CD83: variants seen among roughly 807,000 people sequenced by gnomAD.
CD83 encodes the protein CD83 molecule, also known as CD83 antigen.
Under a neutral mutation model 24.6 loss-of-function variants are expected in CD83, and 22 were observed. That is an observed-to-expected ratio of 0.90 (90% confidence interval 0.64 to 1.28). The LOEUF (loss-of-function observed/expected upper bound fraction) is 1.28, where lower values mean the gene tolerates loss of function less well. Among genes scored for constraint, CD83 ranks in the 50% most tolerant of loss-of-function variants. The pLI is 0.00. For synonymous variants in CD83, 101 were observed against 103.5 expected (o/e 0.98, Z 0.14); for missense variants, 253 against 252.8 (o/e 1.00, Z -0.01).
chr6:14,132,109 C>A (rs1757925897), intron 3 of CD83, among the ~76,000 whole-genome samples: 1 of 152,212 alleles, frequency 6.6e-6, no homozygotes, highest in Admixed American at 6.5e-5. Flanking sequence ...TTTAAGGGGG[C>A]AGTGTGTGCT....
chr6:14,125,553 A>G (rs1357687585), intron 2 of CD83, among the ~76,000 whole-genome samples: 2 of 152,192 alleles, frequency 1.3e-5, no homozygotes, highest in African/African-American at 4.8e-5. Flanking sequence ...TCACGTGCCT[A>G]TCAGAGCCAG....
intron 2 of CD83, among the ~76,000 whole-genome samples, chr6:14,124,120 T>G (rs1348095128): frequency 6.6e-6 from 1 of 152,240 alleles, no homozygotes; most frequent in Non-Finnish European, 1.5e-5. Context: ...TTTTTCATTT[T>G]GTTTTGTTTT....
chr6:14,119,937 C>A (rs1012882680), intron 2 of CD83, among the ~76,000 whole-genome samples: 1 of 152,204 alleles, frequency 6.6e-6, no homozygotes, highest in African/African-American at 2.4e-5. Context: ...TAGCAATTAA[C>A]CTTGGACTTC....
At chr6:14,118,999 T>C (rs1424386452) in intron 2 of CD83, among the ~76,000 whole-genome samples, 1 of 152,218 alleles carries the variant, frequency 6.6e-6, no homozygotes, top group African/African-American at 2.4e-5. Flanking sequence ...ATGCAGGGCG[T>C]TCTTCTGCCC....
At chr6:14,132,835 T>C (rs1441335528) in intron 3 of CD83, among the ~76,000 whole-genome samples, 1 of 152,184 alleles carries the variant, frequency 6.6e-6, no homozygotes, top group African/African-American at 2.4e-5. Context: ...TCACTTGCAC[T>C]CCACCTGCTC....
intron 2 of CD83, among the ~76,000 whole-genome samples, chr6:14,127,108 C>T (rs1453102872): frequency 6.6e-6 from 1 of 152,082 alleles, no homozygotes. Flanking sequence ...CCTGCCTCAG[C>T]CTCCCAAGTA....
At chr6:14,122,919 T>C (rs1476814521) in intron 2 of CD83, among the ~76,000 whole-genome samples, 1 of 152,166 alleles carries the variant, frequency 6.6e-6, no homozygotes, top group Non-Finnish European at 1.5e-5. Context: ...TTGGGAACCA[T>C]TGAGGTAACC....
intron 2 of CD83, 123 bp from the exon 3 acceptor site, chr6:14,131,397 G>C: frequency 1.4e-6 from 1 of 693,990 alleles, no homozygotes; most frequent in Non-Finnish European, 2.5e-6. Context: ...ACACACAAAA[G>C]CATCACGTCT....
At chr6:14,127,103 C>T (rs1287236014) in intron 2 of CD83, among the ~76,000 whole-genome samples, 2 of 152,090 alleles carry the variant, frequency 1.3e-5, no homozygotes, top group Admixed American at 1.3e-4. Context: ...ATTCTCCTGC[C>T]TCAGCCTCCC....
At chr6:14,131,956 G>A (rs1033789313) in intron 3 of CD83, among the ~76,000 whole-genome samples, 2 of 152,158 alleles carry the variant, frequency 1.3e-5, no homozygotes, top group Admixed American at 6.5e-5. Context: ...CCCAACACTT[G>A]TTAGGGGCTG....
chr6:14,130,382 A>G (rs965458746), intron 2 of CD83, among the ~76,000 whole-genome samples: 6 of 152,250 alleles, frequency 3.9e-5, no homozygotes, highest in African/African-American at 1.4e-4. Flanking sequence ...AGCCTAATCT[A>G]TGCAGTGGGA....
chr6:14,118,068 A>G lies in CD83; in HGVS notation c.153+3A>G, dbSNP rs767080229. On this transcript the variant is annotated splice_donor_region_variant and intron_variant, in intron 2 of 4. Coordinates refer to ENST00000379153, the MANE Select transcript of CD83 (RefSeq NM_004233.4). ...CCTACACGGTCTCCTGGGTCAAGGT[A>G]GGTGCTGCGATACCCACGGGCTGGG... The G allele has an allele frequency of 6.3e-6, 10 of 1,596,852 alleles. No individual in the cohort carries two copies. The highest frequency in any genetic ancestry group is 5.6e-5 in the South Asian group (5 of 89,188).
At chr6:14,122,252 G>C (rs75691742) in intron 2 of CD83, among the ~76,000 whole-genome samples, 412 of 152,284 alleles carry the variant, frequency 2.7e-3, no homozygotes, top group Non-Finnish European at 4.7e-3. Flanking sequence ...GGAAACTGTT[G>C]GAGAGCAGGT....
chr6:14,128,844 T>G (rs4712226), intron 2 of CD83, among the ~76,000 whole-genome samples: 22,564 of 152,202 alleles, frequency 0.15, 2,160 homozygotes, highest in Non-Finnish European at 0.22. Flanking sequence ...AACCGTCAAA[T>G]AAATTTTATT....
intron 2 of CD83, 58 bp downstream of exon 2, chr6:14,118,123 A>G (rs184937521): frequency 7.7e-7 from 1 of 1,292,276 alleles, no homozygotes; most frequent in African/African-American, 1.5e-5. Context: ...AGACAGCAGG[A>G]ACCATCTCCC....
intron 2 of CD83, among the ~76,000 whole-genome samples, chr6:14,125,075 A>G (rs1387327710): frequency 6.6e-6 from 1 of 152,220 alleles, no homozygotes; most frequent in African/African-American, 2.4e-5. Flanking sequence ...ACTAGAAGCT[A>G]AGAGAAAGGC....
intron 2 of CD83, 103 bp downstream of exon 2, chr6:14,118,168 G>A (rs1441886994): frequency 5.4e-6 from 4 of 741,946 alleles, no homozygotes; most frequent in Non-Finnish European, 8.4e-6. Flanking sequence ...GCCAGGTGGG[G>A]GCGAGGGGCG....
chr6:14,118,058 G>C lies in CD83; in HGVS notation c.146G>C (p.Trp49Ser). 1 of 1,605,894 alleles carries C rather than the reference G, an allele frequency of 6.2e-7. No homozygotes were observed. The highest frequency in any genetic ancestry group is 1.1e-5 in the South Asian group (1 of 89,920). Residue 49 changes from tryptophan (W) to serine (S), a missense_variant, in exon 2 of 5, where the codon TGG (tryptophan) becomes TCG (serine). Transcript: ENST00000379153. ...CCGCAGGTTCCCTACACGGTCTCCT[G>C]GGTCAAGGTAGGTGCTGCGATACCC... ...WDPQVPYTVS[W>S]VKLLEGGEER...
intron 2 of CD83, among the ~76,000 whole-genome samples, chr6:14,125,174 A>C (rs1307448816): frequency 6.6e-6 from 1 of 152,164 alleles, no homozygotes; most frequent in Non-Finnish European, 1.5e-5. Flanking sequence ...ACTGTGAGAG[A>C]ATACATTTCT....
Sources: allele counts gnomAD v4.1 joint callset (sites outside exome capture counted in the v4.1 genomes callset), GRCh38; gene constraint gnomAD v4.1.1; transcripts MANE v1.5; gene names NCBI Gene and HGNC (gene_info 2026-07-23, HGNC 2026-07-21).